The following SLC6A19 variants were observed in gnomAD, a reference collection of about 807,000 sequenced individuals.
The protein encoded by SLC6A19 is sodium-dependent neutral amino acid transporter B(0)AT1.
Under a neutral mutation model 68.3 loss-of-function variants are expected in SLC6A19, and 67 were observed. That is an observed-to-expected ratio of 0.98 (90% confidence interval 0.81 to 1.20). SLC6A19 has a LOEUF of 1.20. SLC6A19 is among the 50% of genes most tolerant of loss of function. SLC6A19 has a pLI of 0.00. For synonymous variants in SLC6A19, 392 were observed against 374.9 expected (o/e 1.05, Z -0.53); for missense variants, 813 against 851.6 (o/e 0.95, Z 0.56).
rs114684753 is a variant in SLC6A19 at position 1,208,870 on chromosome 5, G to T, written c.327G>T (p.Pro109=). Reference sequence around the variant, plus strand: ...TGGGTGTGTGGAGCTCCATCCACCCGGCCCTGAAGGGCCTAGGTGAGTGCC... The same window carrying T: ...TGGGTGTGTGGAGCTCCATCCACCCTGCCCTGAAGGGCCTAGGTGAGTGCC... ...GSLGVWSSIH[P]ALKGLGLASM... is the part of the protein sequence containing the mutation. The change falls in exon 2 of 12, where the codon CCG becomes CCT. Residue 109 remains proline, a synonymous_variant. Coordinates refer to ENST00000304460, the MANE Select transcript of SLC6A19 (RefSeq NM_001003841.3). 5 of 1,611,984 alleles carry T rather than the reference G, an allele frequency of 3.1e-6. No individual in the cohort carries two copies. The African/African-American group carries it at 5.3e-5, about 17-fold the overall frequency.
intron 10 of SLC6A19, 116 bp downstream of exon 10, chr5:1,219,780 G>C: frequency 6.9e-7 from 1 of 1,450,100 alleles, no homozygotes; most frequent in Non-Finnish European, 9.5e-7. Flanking sequence ...CTATGACTCG[G>C]GGCCTCGGCC....
rs752463705 is a variant in SLC6A19 at position 1,221,661 on chromosome 5, C to T, written c.1702-40C>T. On this transcript the variant is annotated intron_variant, in intron 11 of 11. Coordinates refer to ENST00000304460, the MANE Select transcript of SLC6A19 (RefSeq NM_001003841.3). ...TTTGCCTCAAAGTGAACCCCACTGG[C>T]TCCCGGGATGCCTACTCACCCATGG... The T allele has an allele frequency of 1.2e-5, 20 of 1,611,172 alleles. No individual in the cohort carries two copies. In the Admixed American group the frequency reaches 3.2e-4, roughly 26 times the overall value.
chr5:1,208,220 G>A lies in SLC6A19; in HGVS notation c.203-526G>A, dbSNP rs562695887. Among the ~76,000 whole-genome samples the A allele has an allele frequency of 1.2e-3, 184 of 152,178 alleles. 1 individual carries two copies. The highest frequency in any genetic ancestry group is 1.1e-3 in the Non-Finnish European group (77 of 68,006). On this transcript the variant is annotated intron_variant, in intron 1 of 11. Coordinates refer to ENST00000304460, the MANE Select transcript of SLC6A19 (RefSeq NM_001003841.3). ...CTAATTCCCCACTGAGGCCACACAC[G>A]ATTGCCAGGAAACAGCCTCTCCCCA...
rs1405083579 is a variant in SLC6A19 at position 1,214,097 on chromosome 5, C to T, written c.887+32C>T. ...GCGGGTGTGGTGGGCCTCAGTTTCCCTCTCAGTCCTGGGGGGATCTTGCTG... is the reference window on the plus strand; with the variant it reads ...GCGGGTGTGGTGGGCCTCAGTTTCCTTCTCAGTCCTGGGGGGATCTTGCTG... On this transcript the variant is annotated intron_variant, in intron 6 of 11. Coordinates refer to ENST00000304460, the MANE Select transcript of SLC6A19 (RefSeq NM_001003841.3). The surrounding 1 kb of genome is among the most constrained non-coding windows in gnomAD (Gnocchi z 7.4). 4 of 1,613,388 alleles carry T rather than the reference C, an allele frequency of 2.5e-6. No individual in the cohort carries two copies. The African/African-American group carries it at 5.3e-5, about 22-fold the overall frequency.
In SLC6A19 at chr5:1,209,007, T is replaced by A. The variant is rs1745939694; in HGVS notation, c.343+121T>A. On this transcript the variant is annotated intron_variant, in intron 2 of 11. Coordinates refer to ENST00000304460, the MANE Select transcript of SLC6A19 (RefSeq NM_001003841.3). The surrounding 1 kb of genome is among the most constrained non-coding windows in gnomAD (Gnocchi z 5.5). ...GCCCCTGCTCTGCCTTCCCTGTCTG[T>A]TTCTGGTGCAACAAAGGTCCCAGCT... The A allele has an allele frequency of 7.5e-7, 1 of 1,331,514 alleles. No individual in the cohort carries two copies. Among genetic ancestry groups the A allele is most frequent in the Non-Finnish European group, 1.0e-6 (1 of 994,794 alleles). The allele number at this position is 1,331,514 out of a possible 1,614,324, so 82.5% of individuals were successfully genotyped here. A position where few individuals can be genotyped will look rare whatever the true frequency, so the allele number is the denominator to read the frequency against.
intron 1 of SLC6A19, among the ~76,000 whole-genome samples, chr5:1,204,463 A>G (rs12523010): frequency 0.73 from 111,313 of 152,230 alleles, 42,318 homozygotes; most frequent in Non-Finnish European, 0.82. Flanking sequence ...AACAGCAACC[A>G]AAAGCCGTGA....
intron 1 of SLC6A19, 52 bp downstream of exon 1, chr5:1,201,904 A>G: frequency 6.4e-7 from 1 of 1,574,284 alleles, no homozygotes; most frequent in Non-Finnish European, 8.6e-7. Context: ...GGAAGCACAG[A>G]CACACGCAGA....
chr5:1,219,333 G>A (rs531445234), intron 9 of SLC6A19, among the ~76,000 whole-genome samples, 172 bp from the exon 10 acceptor site: 68 of 151,904 alleles, frequency 4.5e-4, no homozygotes, highest in African/African-American at 1.6e-3. Flanking sequence ...GGCCGTGCGT[G>A]CAGCCGCCGG....
At chr5:1,204,676 C>T (rs1390266428) in intron 1 of SLC6A19, among the ~76,000 whole-genome samples, 1 of 152,248 alleles carries the variant, frequency 6.6e-6, no homozygotes, top group Non-Finnish European at 1.5e-5. Flanking sequence ...GGGGCTGCCC[C>T]CCCAGCTCCT....
At position 1,216,882 on chromosome 5, in the gene SLC6A19, C is replaced by T. The variant is rs564673494; in HGVS notation, c.1110C>T (p.Ser370=). 1.5e-5 allele frequency: 24 copies of T among 1,613,678 alleles called. No homozygotes were observed. The highest frequency in any genetic ancestry group is 1.2e-4 in the Admixed American group (7 of 60,032). Residue 370 remains serine (S), a synonymous_variant, in exon 8 of 12, where the codon TCC becomes TCT. Transcript: ENST00000304460. The part of the protein sequence containing the change: ...FVDMQQRCNA[S]DPAAYAQLVF... ...ACATGCAGCAGCGGTGCAACGCCTC[C>T]GACCCCGCGGCCTACGCGCAGCTGG...
In SLC6A19 at chr5:1,216,588, G is replaced by C; in HGVS notation, c.918G>C (p.Val306=). 1 of 1,614,168 alleles carries C rather than the reference G, an allele frequency of 6.2e-7. No homozygotes were observed. The highest frequency in any genetic ancestry group is 1.7e-5 in the Admixed American group (1 of 60,032). ...ACTGCGAGAAGGACTCGGTGATTGTGTCCATCATCAACGGCTTCACATCGG... is the reference window on the plus strand; with the variant it reads ...ACTGCGAGAAGGACTCGGTGATTGTCTCCATCATCAACGGCTTCACATCGG... ...HNNCEKDSVI[V]SIINGFTSVY... Residue 306 remains valine, a synonymous_variant, in exon 7 of 12, where the codon GTG becomes GTC. Coordinates refer to ENST00000304460, the MANE Select transcript of SLC6A19 (RefSeq NM_001003841.3).
intron 1 of SLC6A19, among the ~76,000 whole-genome samples, chr5:1,206,811 C>T (rs6554658): frequency 0.59 from 89,361 of 152,092 alleles, 27,377 homozygotes; most frequent in Middle Eastern, 0.73. Context: ...TCAGGGTCAG[C>T]CACCACGGGA....
In SLC6A19 at chr5:1,212,942, A is replaced by G. The variant is rs1054965103; in HGVS notation, c.663+458A>G. Among the ~76,000 whole-genome samples, 150 of 148,812 alleles carry G rather than the reference A, an allele frequency of 1.0e-3. No homozygotes were observed. The highest frequency in any genetic ancestry group is 3.4e-3 in the African/African-American group (137 of 40,152). On this transcript the variant is annotated intron_variant, in intron 4 of 11. Coordinates refer to ENST00000304460, the MANE Select transcript of SLC6A19 (RefSeq NM_001003841.3). The surrounding 1 kb of genome is among the most constrained non-coding windows in gnomAD (Gnocchi z 5.1). ...CCTGTGAGGCCCTGTCCCCGTTCCC[A>G]CTCGTCCCACATGCCCCCCACCACA...
At chr5:1,213,161 G>A (rs1439902242) in intron 4 of SLC6A19, among the ~76,000 whole-genome samples, 6 of 59,212 alleles carry the variant, frequency 1.0e-4, no homozygotes, top group South Asian at 7.6e-4. Context: ...GCCCCCCTCC[G>A]CACCATCCCA....
chr5:1,204,562 C>T (rs374532302), intron 1 of SLC6A19, among the ~76,000 whole-genome samples: 1 of 152,220 alleles, frequency 6.6e-6, no homozygotes, highest in African/African-American at 2.4e-5. Flanking sequence ...GTGGCGCAGG[C>T]GGAGACGCAT....
At chr5:1,218,807 A>G (rs2126511859) in intron 8 of SLC6A19, 96 bp from the exon 9 acceptor site, 1 of 1,300,846 alleles carries the variant, frequency 7.7e-7, no homozygotes, top group South Asian at 1.2e-5. Context: ...TGCCCGCCCC[A>G]TGCTGCGTGG....
Position 1,212,055 on chromosome 5 carries a change from G to T in SLC6A19, c.482-248G>T, listed in dbSNP as rs951568825. Among the ~76,000 whole-genome samples the T allele has an allele frequency of 6.6e-6, 1 of 151,404 alleles. No homozygotes were observed. Among genetic ancestry groups the T allele is most frequent in the Non-Finnish European group, 1.5e-5 (1 of 67,892 alleles). On this transcript the variant is annotated intron_variant, in intron 3 of 11. Transcript: ENST00000304460. This position sits in a 1 kb window ranked among gnomAD's most constrained non-coding sequence, Gnocchi z 5.1. The stretch of plus-strand genomic sequence containing the variant: ...GTGTGCTGTGTGTGTGTGTGCATGT[G>T]CATGTGTGGGGTGTGCAGGTGCATG...
chr5:1,210,158 A>T (rs1745981412), intron 2 of SLC6A19, among the ~76,000 whole-genome samples: 1 of 152,252 alleles, frequency 6.6e-6, no homozygotes, highest in Admixed American at 6.5e-5. Context: ...GGTGAGACCC[A>T]TGCCTGGGGC....
rs755402742 is a variant in SLC6A19, at chr5:1,218,763, G to A, written c.1174-140G>A. 1,054 of 792,342 alleles carry A rather than the reference G, an allele frequency of 1.3e-3. 1 individual carries two copies. The highest frequency in any genetic ancestry group is 1.9e-3 in the Non-Finnish European group (944 of 497,256). 49.1% of individuals were successfully genotyped at this position (792,342 alleles called of 1,614,324 possible). On this transcript the variant is annotated intron_variant, in intron 8 of 11. Transcript: ENST00000304460. ...TTGAAAATACACTTTGGGCCTAAAA[G>A]ACAAGATCTAGCTATTTCATGACAG... is the stretch of plus-strand genomic sequence containing the variant.
Sources: gnomAD v4.1 joint callset for allele counts (sites outside exome capture counted in the v4.1 genomes callset) on GRCh38, gnomAD v4.1.1 for gene constraint, Gnocchi (gnomAD v3.1) non-coding constraint, MANE v1.5 for transcripts, NCBI Gene and HGNC (gene_info 2026-07-23, HGNC 2026-07-21) for gene names.